The following LRRC4C variants were observed in gnomAD, a reference collection of about 807,000 sequenced individuals.
LRRC4C encodes the protein leucine-rich repeat-containing protein 4C.
LRRC4C carries 5 observed loss-of-function variants against 33.6 expected under a neutral mutation model. The ratio of observed to expected loss-of-function variants is 0.15; its 90% CI spans 0.08 to 0.31. The LOEUF is 0.31. Among genes scored for constraint, LRRC4C ranks in the 10% least tolerant of loss-of-function variants. The pLI is 1.00. For missense variants in LRRC4C, 560 were observed against 796.7 expected, an observed-to-expected ratio of 0.70 and a Z score of 3.58; for synonymous variants, 329 against 302.0, an observed-to-expected ratio of 1.09 and a Z score of -0.93.
intron 1 of LRRC4C, among the ~76,000 whole-genome samples, chr11:41,164,842 T>A (rs565261173): frequency 6.6e-6 from 1 of 152,140 alleles, no homozygotes; most frequent in Non-Finnish European, 1.5e-5. Flanking sequence ...AAGACTACTC[T>A]GAAACACCAT....
chr11:40,136,198 T>C (rs1190091957), intron 6 of LRRC4C, among the ~76,000 whole-genome samples: 4 of 151,722 alleles, frequency 2.6e-5, no homozygotes, highest in Non-Finnish European at 5.9e-5. Context: ...TTGCAAAGCC[T>C]AAAATATTTA....
intron 1 of LRRC4C, among the ~76,000 whole-genome samples, chr11:40,945,822 A>G (rs896759715): frequency 6.6e-6 from 1 of 152,198 alleles, no homozygotes; most frequent in Admixed American, 6.5e-5. Flanking sequence ...GCCTCCAAGT[A>G]AATCTCAGGA....
At chr11:40,388,286 C>G (rs569206026) in intron 3 of LRRC4C, among the ~76,000 whole-genome samples, 2 of 152,216 alleles carry the variant, frequency 1.3e-5, no homozygotes, top group South Asian at 4.1e-4. Flanking sequence ...AAATGTGACA[C>G]CTCTTTCAAA....
chr11:41,296,450 G>T (rs1330062736), intron 1 of LRRC4C, among the ~76,000 whole-genome samples: 2 of 151,938 alleles, frequency 1.3e-5, no homozygotes, highest in African/African-American at 2.4e-5. Context: ...GAGTATCTGG[G>T]ATTACAGGCA....
At chr11:40,411,707 G>T (rs1436059647) in intron 3 of LRRC4C, among the ~76,000 whole-genome samples, 1 of 151,966 alleles carries the variant, frequency 6.6e-6, no homozygotes, top group Non-Finnish European at 1.5e-5. Flanking sequence ...TAAGATTACT[G>T]TAATTATAGT....
intron 3 of LRRC4C, among the ~76,000 whole-genome samples, chr11:40,533,865 A>T (rs1197626920): frequency 6.6e-6 from 1 of 152,052 alleles, no homozygotes; most frequent in African/African-American, 2.4e-5. Flanking sequence ...TCAAGGCTCC[A>T]CTTTGAGACT....
chr11:40,978,864 T>A (rs189413802), intron 1 of LRRC4C, among the ~76,000 whole-genome samples: 116 of 152,124 alleles, frequency 7.6e-4, no homozygotes, highest in South Asian at 2.1e-4. Flanking sequence ...ACTCCTGATC[T>A]CAAGTGATCC....
chr11:40,660,599 T>G (rs142576170), intron 2 of LRRC4C, among the ~76,000 whole-genome samples: 1 of 152,322 alleles, frequency 6.6e-6, no homozygotes, highest in East Asian at 1.9e-4. Context: ...CTGCTTCTGC[T>G]GAATATGTCA....
intron 1 of LRRC4C, among the ~76,000 whole-genome samples, chr11:40,981,558 A>G (rs1852543445): frequency 6.6e-6 from 1 of 152,236 alleles, no homozygotes; most frequent in South Asian, 2.1e-4. Context: ...AAACTGGGAA[A>G]AGGATAGTGT....
intron 1 of LRRC4C, among the ~76,000 whole-genome samples, chr11:41,401,783 G>A (rs1954035251): frequency 6.6e-6 from 1 of 151,902 alleles, no homozygotes; most frequent in Non-Finnish European, 1.5e-5. Flanking sequence ...TATTTCTTGA[G>A]TGTCTATCAT....
intron 2 of LRRC4C, among the ~76,000 whole-genome samples, chr11:40,763,076 T>TAC (rs1211293589): frequency 2.7e-5 from 4 of 149,348 alleles, no homozygotes; most frequent in South Asian, 2.1e-4. Context: ...TATATATGTA[T>TAC]ACACACACAT....
At chr11:41,357,145 G>GGA (rs138272717) in intron 1 of LRRC4C, among the ~76,000 whole-genome samples, 15 of 151,868 alleles carry the variant, frequency 9.9e-5, no homozygotes, top group African/African-American at 3.6e-4. Context: ...AGAAAGAGAA[G>GGA]GAGAGAGAGA....
At chr11:40,503,017 T>C (rs141000159) in intron 3 of LRRC4C, among the ~76,000 whole-genome samples, 1 of 152,284 alleles carries the variant, frequency 6.6e-6, no homozygotes, top group East Asian at 1.9e-4. Flanking sequence ...TCAGCTAAGA[T>C]TTCACCTAGA....
At chr11:41,388,983 A>G (rs1217807830) in intron 1 of LRRC4C, among the ~76,000 whole-genome samples, 1 of 151,756 alleles carries the variant, frequency 6.6e-6, no homozygotes. Context: ...GGTAATTTGG[A>G]CTCTAATGAT....
intron 6 of LRRC4C, among the ~76,000 whole-genome samples, chr11:40,117,586 C>CAT (rs1455012402): frequency 6.6e-6 from 1 of 151,800 alleles, no homozygotes; most frequent in African/African-American, 2.4e-5. Flanking sequence ...ATGTTGTTTC[C>CAT]AAGTATACAC....
At chr11:40,612,808 A>T (rs1961367000) in intron 3 of LRRC4C, among the ~76,000 whole-genome samples, 2 of 151,920 alleles carry the variant, frequency 1.3e-5, no homozygotes, top group African/African-American at 4.8e-5. Flanking sequence ...TACCTCAGAG[A>T]TATTACAAGT....
chr11:40,501,732 G>A (rs1167816195), intron 3 of LRRC4C, among the ~76,000 whole-genome samples: 3 of 152,132 alleles, frequency 2.0e-5, no homozygotes, highest in Admixed American at 2.0e-4. Context: ...GGTCTGTGAT[G>A]GGAGGGGCTG....
At chr11:41,276,013 G>A (rs1181390553) in intron 1 of LRRC4C, among the ~76,000 whole-genome samples, 1 of 152,138 alleles carries the variant, frequency 6.6e-6, no homozygotes, top group Non-Finnish European at 1.5e-5. Context: ...ACGTTGACAA[G>A]ATGTTATTTT....
intron 1 of LRRC4C, among the ~76,000 whole-genome samples, chr11:41,338,641 G>A (rs571802745): frequency 6.1e-4 from 93 of 152,006 alleles, no homozygotes; most frequent in Non-Finnish European, 6.9e-4. Flanking sequence ...CCACCATGGC[G>A]CATGTATGCC....
Sources: gnomAD v4.1 joint callset for allele counts (sites outside exome capture counted in the v4.1 genomes callset) on GRCh38, gnomAD v4.1.1 for gene constraint, MANE v1.5 for transcripts, NCBI Gene and HGNC (gene_info 2026-07-23, HGNC 2026-07-21) for gene names.